ARHGAP6: variants seen among roughly 807,000 people sequenced by gnomAD.
ARHGAP6 encodes Rho GTPase activating protein 6.
In ARHGAP6, 16 loss-of-function variants were observed where a neutral mutation model predicts 55.7. That is an observed-to-expected ratio of 0.29 (90% CI 0.19 to 0.44). The LOEUF is 0.44. ARHGAP6 is among the 20% of genes least tolerant of loss of function. ARHGAP6 has a pLI of 1.00. For missense variants in ARHGAP6, 698 were observed against 808.9 expected (o/e 0.86, Z 1.66); for synonymous variants, 382 against 360.9 (o/e 1.06, Z -0.66).
chrX:11,354,311 CTCTCTCTCTCTCTCTCTATATATA>C (rs2048903033), intron 1 of ARHGAP6, among the ~76,000 whole-genome samples: 1 of 65,216 alleles, frequency 1.5e-5, no homozygotes, highest in Non-Finnish European at 2.8e-5. Context: ...CTCTCTCTCT[CTCTCTCTCTCTCTCTCTATATATA>C]TATATATATA....
chrX:11,262,268 A>C (rs1220936933), intron 1 of ARHGAP6, among the ~76,000 whole-genome samples: 1 of 111,639 alleles, frequency 9.0e-6, no homozygotes, highest in Non-Finnish European at 1.9e-5. Flanking sequence ...ACAACTCACC[A>C]AAAGTGTTAA....
chrX:11,590,152 G>A (rs1266009484), intron 1 of ARHGAP6, among the ~76,000 whole-genome samples: 1 of 111,504 alleles, frequency 9.0e-6, no homozygotes, highest in Non-Finnish European at 1.9e-5. Context: ...AAAATACACA[G>A]CAATGGCGTG....
intron 9 of ARHGAP6, among the ~76,000 whole-genome samples, chrX:11,162,029 C>CTGA (rs1454633673): frequency 1.8e-5 from 2 of 111,381 alleles, no homozygotes; most frequent in Non-Finnish European, 3.8e-5. Context: ...CAGGGATTAT[C>CTGA]TGATTTGTTT....
At chrX:11,214,451 C>G (rs986861210) in intron 2 of ARHGAP6, among the ~76,000 whole-genome samples, 1 of 112,787 alleles carries the variant, frequency 8.9e-6, no homozygotes. Flanking sequence ...AGGGTGATGG[C>G]CATTGCATCC....
At chrX:11,653,058 T>G (rs2052603670) in intron 1 of ARHGAP6, among the ~76,000 whole-genome samples, 1 of 111,972 alleles carries the variant, frequency 8.9e-6, no homozygotes, top group Non-Finnish European at 1.9e-5. Context: ...GCAGTCAACT[T>G]GGTCTCATGT....
intron 1 of ARHGAP6, among the ~76,000 whole-genome samples, chrX:11,630,803 G>A (rs2052352303): frequency 1.8e-5 from 2 of 112,382 alleles, no homozygotes; most frequent in South Asian, 7.4e-4. Context: ...GCAAAGCTTT[G>A]AAGTTAGATG....
intron 1 of ARHGAP6, among the ~76,000 whole-genome samples, chrX:11,366,702 C>T (rs758415195): frequency 3.6e-5 from 4 of 111,877 alleles, no homozygotes; most frequent in Non-Finnish European, 7.5e-5. Context: ...GATGAGTTTC[C>T]TTTGAGTCTT....
intron 1 of ARHGAP6, among the ~76,000 whole-genome samples, chrX:11,655,696 G>A (rs1236437321): frequency 8.9e-6 from 1 of 111,801 alleles, no homozygotes; most frequent in East Asian, 2.8e-4. Flanking sequence ...ACATTCCAAG[G>A]GTTTTTCTGC....
intron 8 of ARHGAP6, among the ~76,000 whole-genome samples, chrX:11,176,848 A>G (rs1282149019): frequency 8.9e-6 from 1 of 112,200 alleles, no homozygotes; most frequent in African/African-American, 3.2e-5. Context: ...CTGGGGCTTC[A>G]CTAATTATAA....
At chrX:11,144,469 G>T (rs772851920) in intron 10 of ARHGAP6, among the ~76,000 whole-genome samples, 8 of 112,330 alleles carry the variant, frequency 7.1e-5, no homozygotes, top group African/African-American at 1.9e-4. Flanking sequence ...AGATATAACA[G>T]GAAAAGGCAA....
chrX:11,272,611 A>G (rs1200935110), intron 1 of ARHGAP6, among the ~76,000 whole-genome samples: 1 of 109,613 alleles, frequency 9.1e-6, no homozygotes, highest in African/African-American at 3.3e-5. Context: ...CCTCATCTCA[A>G]AGCTCAGATT....
chrX:11,480,319 T>C (rs938065351), intron 1 of ARHGAP6, among the ~76,000 whole-genome samples: 1 of 111,481 alleles, frequency 9.0e-6, no homozygotes, highest in East Asian at 2.8e-4. Flanking sequence ...TTATGCTAAA[T>C]GAAAAAAGCC....
At chrX:11,568,719 T>C (rs1328561105) in intron 1 of ARHGAP6, among the ~76,000 whole-genome samples, 1 of 103,399 alleles carries the variant, frequency 9.7e-6, no homozygotes, top group East Asian at 3.0e-4. Context: ...ATTGCGCCAC[T>C]GCACTCCAGC....
intron 1 of ARHGAP6, among the ~76,000 whole-genome samples, chrX:11,578,633 G>A (rs2051629552): frequency 8.9e-6 from 1 of 111,865 alleles, no homozygotes; most frequent in African/African-American, 3.3e-5. Context: ...GATTCCTCAA[G>A]GATCTAAAAC....
chrX:11,646,087 G>T (rs1206367576), intron 1 of ARHGAP6, among the ~76,000 whole-genome samples: 1 of 111,500 alleles, frequency 9.0e-6, no homozygotes, highest in Non-Finnish European at 1.9e-5. Context: ...GGGGAAGCAA[G>T]GACCTTCTTT....
chrX:11,512,795 C>T (rs777927453), intron 1 of ARHGAP6, among the ~76,000 whole-genome samples: 2 of 111,504 alleles, frequency 1.8e-5, no homozygotes, highest in African/African-American at 6.5e-5. Context: ...GAGCCTTCTC[C>T]ATGACCTACA....
rs1412121449 is a variant in ARHGAP6 at position 11,284,358 on chromosome X, A to T, written c.589-29651T>A. ...CACATTTTGAGAGCCATTGCTTTAG[A>T]TGACACTAATAAACATGTAAGAGGA... On this transcript the variant is annotated intron_variant, in intron 1 of 12. Transcript: ENST00000337414. 1.1e-4 allele frequency among the ~76,000 whole-genome samples: 12 copies of T among 112,155 alleles called. 1 individual carries two copies. The highest frequency in any genetic ancestry group is 2.1e-4 in the Non-Finnish European group (11 of 53,246).
At chrX:11,336,485 C>A (rs1314981318) in intron 1 of ARHGAP6, among the ~76,000 whole-genome samples, 1 of 111,512 alleles carries the variant, frequency 9.0e-6, no homozygotes, top group Non-Finnish European at 1.9e-5. Context: ...ACTCTCTCAC[C>A]AAAGATACTA....
intron 1 of ARHGAP6, among the ~76,000 whole-genome samples, chrX:11,520,283 G>A (rs764104876): frequency 2.0e-5 from 2 of 100,384 alleles, no homozygotes; most frequent in East Asian, 6.4e-4. Context: ...TTTAACATTA[G>A]GTATATCTCC....
Sources: allele counts gnomAD v4.1 joint callset (sites outside exome capture counted in the v4.1 genomes callset), GRCh38; gene constraint gnomAD v4.1.1; transcripts MANE v1.5; gene names NCBI Gene and HGNC (gene_info 2026-07-23, HGNC 2026-07-21).